UTS2B: variants seen among roughly 807,000 people sequenced by gnomAD.
UTS2B encodes the protein urotensin 2B.
In UTS2B, 21 loss-of-function variants were observed where a neutral mutation model predicts 19.2. That is an observed-to-expected ratio of 1.09 (90% CI 0.78 to 1.58). UTS2B has a LOEUF of 1.58. UTS2B is among the 40% of genes most tolerant of loss of function. The pLI, the probability that UTS2B is intolerant of heterozygous loss-of-function variation, is 0.00. For missense variants in UTS2B, 138 were observed against 130.3 expected (o/e 1.06, Z -0.29); for synonymous variants, 57 against 50.2 (o/e 1.14, Z -0.58).
At chr3:191,336,543 C>T in the UTS2B span, among the ~76,000 whole-genome samples, 4 of 151,906 alleles carry the variant, frequency 2.6e-5, no homozygotes, top group African/African-American at 7.3e-5. Flanking sequence ...TTTGGGAGTT[C>T]TTTACATATT....
chr3:191,304,632 A>G (rs908584544), intron 3 of UTS2B, 84 bp from the exon 4 acceptor site: 4 of 152,196 alleles, frequency 2.6e-5, no homozygotes, highest in African/African-American at 9.7e-5. Flanking sequence ...GAAACTCACC[A>G]AACACTAGCT....
intron 2 of UTS2B, among the ~76,000 whole-genome samples, chr3:191,325,958 TAC>T (rs1717734277): frequency 2.6e-5 from 4 of 152,222 alleles, no homozygotes; most frequent in Non-Finnish European, 1.5e-5. Flanking sequence ...AGAATATTCA[TAC>T]AGTCTTCTTG....
rs188911154 is a variant in UTS2B at position 191,310,635 on chromosome 3, C to T, written c.-182+5401G>A. Among the ~76,000 whole-genome samples, 17 of 152,292 alleles carry T rather than the reference C, an allele frequency of 1.1e-4. No individual in the cohort carries two copies. The East Asian group carries it at 1.5e-3, about 14-fold the overall frequency. ...CCAAGAATCTCATGTTTTCTGCTAA[C>T]GTCCATGAAATTGTGGCAAGCTAAC... On this transcript the variant is annotated intron_variant, in intron 3 of 8. Coordinates refer to ENST00000340524, the MANE Select transcript of UTS2B (RefSeq NM_198152.5).
intron 4 of UTS2B, among the ~76,000 whole-genome samples, chr3:191,293,737 A>G (rs187440773): frequency 6.6e-6 from 1 of 152,010 alleles, no homozygotes; most frequent in East Asian, 1.9e-4. Context: ...AACATGCTAT[A>G]ATGTGGAAGT....
rs112614758 is a variant in UTS2B at position 191,326,038 on chromosome 3, G to C, written c.-586+2593C>G. Among the ~76,000 whole-genome samples the C allele has an allele frequency of 3.7e-3, 562 of 152,228 alleles. 2 individuals are homozygous for C. Among genetic ancestry groups the C allele is most frequent in the African/African-American group, 0.013 (526 of 41,544 alleles). On this transcript the variant is annotated intron_variant, in intron 2 of 8. Transcript: ENST00000340524. ...ACTGTTCTCTTAGGTATATTATGCT[G>C]ATGAGCTAGGAAGCACTGGGGGCCA...
intron 4 of UTS2B, among the ~76,000 whole-genome samples, chr3:191,291,452 A>G (rs954858084): frequency 6.5e-5 from 9 of 138,646 alleles, no homozygotes; most frequent in African/African-American, 2.0e-4. Context: ...TAGGTCTTTG[A>G]ACCACTTTCT....
At chr3:191,329,489 G>T in intron 1 of UTS2B, 1 of 521,716 alleles carries the variant, frequency 1.9e-6, no homozygotes, top group Non-Finnish European at 3.3e-6. Context: ...GGTGCCTCGG[G>T]GACCGTCTCC....
intron 3 of UTS2B, among the ~76,000 whole-genome samples, chr3:191,306,732 C>G (rs1422728741): frequency 6.6e-6 from 1 of 152,220 alleles, no homozygotes; most frequent in African/African-American, 2.4e-5. Context: ...CTCCCGGGCT[C>G]AAGCAATTCT....
At chr3:191,345,045 A>T in the UTS2B span, among the ~76,000 whole-genome samples, 1 of 152,320 alleles carries the variant, frequency 6.6e-6, no homozygotes, top group Non-Finnish European at 1.5e-5. Context: ...CCAGGAATCA[A>T]TTTGATGGGC....
intron 2 of UTS2B, among the ~76,000 whole-genome samples, 194 bp from the exon 3 acceptor site, chr3:191,316,633 G>A (rs1413338189): frequency 1.3e-5 from 2 of 152,200 alleles, no homozygotes; most frequent in African/African-American, 4.8e-5. Context: ...GTACCGATTC[G>A]TGTGTTTACA....
chr3:191,342,917 A>T, the UTS2B span, among the ~76,000 whole-genome samples: 1 of 152,192 alleles, frequency 6.6e-6, no homozygotes, highest in Admixed American at 6.5e-5. Context: ...AGAATGTCTG[A>T]CTACCTCCAT....
At chr3:191,325,119 GTA>G (rs1309132943) in intron 2 of UTS2B, among the ~76,000 whole-genome samples, 3 of 152,094 alleles carry the variant, frequency 2.0e-5, no homozygotes, top group Non-Finnish European at 4.4e-5. Context: ...GAATGACTCT[GTA>G]TGTTTATGTA....
intron 4 of UTS2B, among the ~76,000 whole-genome samples, chr3:191,304,038 C>T (rs1335006920): frequency 2.6e-5 from 4 of 151,756 alleles, no homozygotes; most frequent in Admixed American, 1.3e-4. Flanking sequence ...GGCGCAATCT[C>T]GGCTCACTGC....
chr3:191,298,748 T>A (rs1291011336), intron 4 of UTS2B, among the ~76,000 whole-genome samples: 1 of 151,994 alleles, frequency 6.6e-6, no homozygotes, highest in Non-Finnish European at 1.5e-5. Flanking sequence ...TGTGGAGGGC[T>A]CAGAAGAAAA....
chr3:191,325,015 A>C (rs1717707754), intron 2 of UTS2B, among the ~76,000 whole-genome samples: 2 of 152,044 alleles, frequency 1.3e-5, no homozygotes, highest in Non-Finnish European at 2.9e-5. Flanking sequence ...GTGCCACTGC[A>C]CTCCAGCCTC....
intron 5 of UTS2B, among the ~76,000 whole-genome samples, chr3:191,280,647 G>A (rs941294799): frequency 1.3e-5 from 2 of 152,048 alleles, no homozygotes; most frequent in Non-Finnish European, 2.9e-5. Context: ...AGTGATATAT[G>A]TATATCACTG....
At chr3:191,275,453 G>A (rs1716206984) in intron 7 of UTS2B, 108 bp from the exon 8 acceptor site, 2 of 784,846 alleles carry the variant, frequency 2.5e-6, no homozygotes, top group Non-Finnish European at 4.3e-6. Flanking sequence ...GGCCGAGGCA[G>A]GCAGGTCACG....
At position 191,277,086 on chromosome 3, in the gene UTS2B, G is replaced by A. The variant is rs6789569; in HGVS notation, c.203-242C>T. ...ACAATTAGCACAAAGTTTTTCTAAC[G>A]TAGACCATAGTTCTAGCATGACCTA... On this transcript the variant is annotated intron_variant, in intron 6 of 8. Coordinates refer to ENST00000340524, the MANE Select transcript of UTS2B (RefSeq NM_198152.5). Among the ~76,000 whole-genome samples the A allele has an allele frequency of 6.9e-3, 1,043 of 152,168 alleles. 9 individuals are homozygous for A. Among genetic ancestry groups the A allele is most frequent in the African/African-American group, 0.024 (990 of 41,518 alleles).
chr3:191,339,169 AT>A, the UTS2B span, among the ~76,000 whole-genome samples: 1 of 152,196 alleles, frequency 6.6e-6, no homozygotes, highest in Non-Finnish European at 1.5e-5. Context: ...CATGGTTTAT[AT>A]TGAAAAGAGG....
Sources: allele counts gnomAD v4.1 joint callset (sites outside exome capture counted in the v4.1 genomes callset), GRCh38; gene constraint gnomAD v4.1.1; transcripts MANE v1.5; gene names NCBI Gene and HGNC (gene_info 2026-07-23, HGNC 2026-07-21).